CHST3: variants seen among roughly 807,000 people sequenced by gnomAD.
CHST3 encodes carbohydrate sulfotransferase 3.
In CHST3, 20 loss-of-function variants were observed where a neutral mutation model predicts 35.4. The observed-to-expected ratio is 0.57, with a 90% CI of 0.40 to 0.82. The LOEUF (loss-of-function observed/expected upper bound fraction) is 0.82. CHST3 is among the 40% of genes least tolerant of loss of function. The pLI is 0.00. For missense variants in CHST3, 693 were observed against 670.1 expected (o/e 1.03, Z -0.38); for synonymous variants, 334 against 295.9 (o/e 1.13, Z -1.32).
chr10:71,996,346 A>C (rs1156437611), intron 1 of CHST3, among the ~76,000 whole-genome samples: 1 of 152,152 alleles, frequency 6.6e-6, no homozygotes, highest in East Asian at 1.9e-4. Context: ...TCATAGCTAC[A>C]CAGAGATTCA....
chr10:71,980,347 C>G (rs149542319), intron 1 of CHST3, among the ~76,000 whole-genome samples: 2 of 152,200 alleles, frequency 1.3e-5, no homozygotes, highest in African/African-American at 4.8e-5. Flanking sequence ...GTACTCCAAC[C>G]CGGGCAACAA....
At chr10:72,007,123 G>A in intron 2 of CHST3, 49 bp from the exon 3 acceptor site, 1 of 1,601,612 alleles carries the variant, frequency 6.2e-7, no homozygotes, top group Non-Finnish European at 8.5e-7. Context: ...TTGCCCAGGA[G>A]ACGGGGTCCC....
chr10:71,969,570 A>G (rs921470827), intron 1 of CHST3, among the ~76,000 whole-genome samples: 4 of 152,214 alleles, frequency 2.6e-5, no homozygotes, highest in African/African-American at 9.6e-5. Flanking sequence ...TTCCACAGGA[A>G]GCCCACCTGG....
intron 1 of CHST3, among the ~76,000 whole-genome samples, chr10:71,998,135 T>TC (rs570499767): frequency 1.5e-4 from 23 of 151,760 alleles, no homozygotes; most frequent in Middle Eastern, 3.4e-3. Flanking sequence ...TGCGACCCTG[T>TC]CCCCCCCAAA....
chr10:71,982,796 G>C (rs570707908), intron 1 of CHST3, among the ~76,000 whole-genome samples: 47 of 152,272 alleles, frequency 3.1e-4, no homozygotes, highest in African/African-American at 1.1e-3. Flanking sequence ...CTAAGTTTGT[G>C]GCAATGTGTT....
At chr10:71,992,364 GAC>G (rs1839904431) in intron 1 of CHST3, among the ~76,000 whole-genome samples, 1 of 152,112 alleles carries the variant, frequency 6.6e-6, no homozygotes, top group Admixed American at 6.6e-5. Context: ...TATTTGCAGA[GAC>G]ACAGTCTCAC....
chr10:71,966,908 C>G (rs1383946739), intron 1 of CHST3, among the ~76,000 whole-genome samples: 1 of 152,056 alleles, frequency 6.6e-6, no homozygotes, highest in Non-Finnish European at 1.5e-5. Flanking sequence ...TTCAGAGGTA[C>G]GTATACAGGT....
rs1840109009 is a variant in CHST3 at position 72,011,383 on chromosome 10, TG to T, written c.*2916del. ...GGCTCAGCGATGCTCTGGGAACCCTTGGGGTTTGGGGAAGGACAGTGTGGTG... is the reference window on the plus strand; with the variant it reads ...GGCTCAGCGATGCTCTGGGAACCCTTGGGTTTGGGGAAGGACAGTGTGGTG... On this transcript the variant is annotated 3_prime_UTR_variant, in exon 3 of 3. Coordinates refer to ENST00000373115, the MANE Select transcript of CHST3 (RefSeq NM_004273.5). The T allele has an allele frequency of 6.6e-6, 1 of 152,300 alleles. No individual in the cohort carries two copies. Among genetic ancestry groups the T allele is most frequent in the Non-Finnish European group, 1.5e-5 (1 of 68,138 alleles). 9.4% of individuals were successfully genotyped at this position (152,300 alleles called of 1,614,324 possible).
intron 1 of CHST3, among the ~76,000 whole-genome samples, chr10:72,005,498 T>C (rs1259963261): frequency 6.6e-6 from 1 of 152,204 alleles, no homozygotes; most frequent in Admixed American, 6.5e-5. Context: ...AGGCCTTTGA[T>C]GTGTGAGGTC....
Position 71,998,161 on chromosome 10 carries a change from G to A in CHST3, c.-107-7575G>A, listed in dbSNP as rs533919897. Reference sequence around the variant, plus strand: ...CCCCCCCAAAAATAAATAAATCAAAGGGCATAAGGTGAAAAGAATCGTAAC... The same window carrying A: ...CCCCCCCAAAAATAAATAAATCAAAAGGCATAAGGTGAAAAGAATCGTAAC... On this transcript the variant is annotated intron_variant, in intron 1 of 2. Transcript: ENST00000373115. Among the ~76,000 whole-genome samples, 191 of 152,292 alleles carry A rather than the reference G, an allele frequency of 1.3e-3. 2 individuals carry two copies. The South Asian group carries it at 0.018, about 14-fold the overall frequency.
chr10:72,004,420 C>T (rs1840019137), intron 1 of CHST3, among the ~76,000 whole-genome samples: 2 of 152,188 alleles, frequency 1.3e-5, no homozygotes, highest in South Asian at 2.1e-4. Context: ...GGAGCCCTAA[C>T]ATAGCCTGGG....
intron 1 of CHST3, among the ~76,000 whole-genome samples, chr10:71,979,373 T>C (rs1839778381): frequency 6.6e-6 from 1 of 150,504 alleles, no homozygotes; most frequent in Non-Finnish European, 1.5e-5. Flanking sequence ...AGACGGAGTC[T>C]CGGGAGGGGG....
At chr10:71,996,858 T>C (rs896811235) in intron 1 of CHST3, among the ~76,000 whole-genome samples, 1 of 152,138 alleles carries the variant, frequency 6.6e-6, no homozygotes, top group Admixed American at 6.6e-5. Context: ...CCTAACCTCC[T>C]CTCACCCACA....
rs1589511631 is a variant in CHST3, at chr10:72,011,054, C to T, written c.*2583C>T. ...TTTTGAAAAGAAGAGACAGAAAATA[C>T]CTTATTATCTGCAGGGACTCAAAGC... On this transcript the variant is annotated 3_prime_UTR_variant, in exon 3 of 3. Coordinates refer to ENST00000373115, the MANE Select transcript of CHST3 (RefSeq NM_004273.5). 6.6e-6 allele frequency: 1 copy of T among 152,242 alleles called. No homozygotes were observed. Among genetic ancestry groups the T allele is most frequent in the South Asian group, 2.1e-4 (1 of 4,812 alleles). 9.4% of individuals were successfully genotyped at this position (152,242 alleles called of 1,614,324 possible). A position where few individuals can be genotyped will look rare whatever the true frequency, so the allele number is the denominator to read the frequency against.
At chr10:71,969,867 C>T (rs1839672611) in intron 1 of CHST3, among the ~76,000 whole-genome samples, 1 of 152,226 alleles carries the variant, frequency 6.6e-6, no homozygotes, top group Non-Finnish European at 1.5e-5. Flanking sequence ...CAGAGAGGGT[C>T]TTTGCTGCGA....
chr10:71,970,494 C>T (rs1167982795), intron 1 of CHST3, among the ~76,000 whole-genome samples: 1 of 152,204 alleles, frequency 6.6e-6, no homozygotes, highest in Non-Finnish European at 1.5e-5. Flanking sequence ...GCCCCCTCCC[C>T]GCCCAGTCCC....
At position 72,013,414 on chromosome 10, in the gene CHST3, C is replaced by A. The variant is rs1056360972; in HGVS notation, c.*4943C>A. ...CTTGCCATGGCCACAGACAATCTGC[C>A]GTCTCCTGGAAACGCTGGGGCTGCC... On this transcript the variant is annotated 3_prime_UTR_variant, in exon 3 of 3. Transcript: ENST00000373115. 1 of 152,154 alleles carries A rather than the reference C, an allele frequency of 6.6e-6. No homozygotes were observed. Among genetic ancestry groups the A allele is most frequent in the African/African-American group, 2.4e-5 (1 of 41,444 alleles). 9.4% of individuals were successfully genotyped at this position (152,154 alleles called of 1,614,324 possible).
At chr10:71,984,325 C>T (rs1044372987) in intron 1 of CHST3, among the ~76,000 whole-genome samples, 6 of 152,220 alleles carry the variant, frequency 3.9e-5, no homozygotes, top group Non-Finnish European at 8.8e-5. Context: ...GCTCGGCTGA[C>T]GGCCTTTTGA....
chr10:71,996,058 T>C (rs1165084174), intron 1 of CHST3, among the ~76,000 whole-genome samples: 1 of 152,180 alleles, frequency 6.6e-6, no homozygotes, highest in East Asian at 1.9e-4. Flanking sequence ...TATAAAGGCA[T>C]GTGAGTAATA....
Sources: allele counts gnomAD v4.1 joint callset (sites outside exome capture counted in the v4.1 genomes callset), GRCh38; gene constraint gnomAD v4.1.1; transcripts MANE v1.5; gene names NCBI Gene and HGNC (gene_info 2026-07-23, HGNC 2026-07-21).